The following AXL variants were observed in gnomAD, a reference collection of about 807,000 sequenced individuals.
AXL encodes the protein tyrosine-protein kinase receptor UFO.
In AXL, 52 loss-of-function variants were observed where a neutral mutation model predicts 104.5. That is an observed-to-expected ratio of 0.50 (90% CI 0.40 to 0.63). The LOEUF is 0.63. Among genes scored for constraint, AXL ranks in the 20% least tolerant of loss-of-function variants. The probability of loss-of-function intolerance (pLI) is 0.00; values close to 1 mark genes in which losing one functional copy is unlikely to be tolerated. For missense variants in AXL, 1,024 were observed against 1,188.5 expected (o/e 0.86, Z 2.04); for synonymous variants, 455 against 473.7 (o/e 0.96, Z 0.51).
intron 10 of AXL, among the ~76,000 whole-genome samples, chr19:41,242,358 C>G (rs572642715): frequency 3.4e-5 from 4 of 119,044 alleles, no homozygotes; most frequent in African/African-American, 1.3e-4. Context: ...GAGTCTTGCT[C>G]TGTCACCCAG....
In AXL at chr19:41,239,321, C is replaced by A. The variant is rs1417681925; in HGVS notation, c.1285+7C>A. ...CTGGAGGCCTGGCGCCCAGGTAAGT[C>A]CAAAGCCATGCCCAACCTGCTTCAA... On this transcript the variant is annotated splice_region_variant and intron_variant, in intron 9 of 19. Transcript: ENST00000301178. The A allele has an allele frequency of 3.2e-6, 5 of 1,561,850 alleles. No homozygotes were observed. Among genetic ancestry groups the A allele is most frequent in the Non-Finnish European group, 3.5e-6 (4 of 1,156,696 alleles).
At chr19:41,242,862 G>A (rs779149364) in intron 10 of AXL, 21 bp from the exon 11 acceptor site, 1 of 1,614,016 alleles carries the variant, frequency 6.2e-7, no homozygotes, top group East Asian at 2.2e-5. Flanking sequence ...TCCATGACCT[G>A]TTCCTCATAC....
At chr19:41,231,442 GGTT>G in intron 6 of AXL, 144 bp downstream of exon 6, 31 of 761,210 alleles carry the variant, frequency 4.1e-5, no homozygotes, top group Middle Eastern at 2.4e-4. Context: ...AGATGTCCTG[GGTT>G]CGAATCCTAG....
chr19:41,220,698 C>T lies in AXL; in HGVS notation c.148C>T (p.Leu50Phe), dbSNP rs369684238. 189 of 1,612,798 alleles carry T rather than the reference C, an allele frequency of 1.2e-4. No homozygotes were observed. The highest frequency in any genetic ancestry group is 3.2e-4 in the Admixed American group (19 of 59,860). ...NPGNITGARG[L>F]TGTLRCQLQV... ...AGGGAATATCACAGGTGCCCGGGGA[C>T]TCACGGGCACCCTTCGGTGTCAGCT... Residue 50 changes from leucine to phenylalanine, a missense_variant, in exon 2 of 20, where the codon CTC (leucine) becomes TTC (phenylalanine). This residue lies in a region of AXL where 124 missense variants were observed against 115.5 expected (regional missense o/e 1.07). Transcript: ENST00000301178.
chr19:41,221,563 G>C, intron 3 of AXL: 1 of 490,412 alleles, frequency 2.0e-6, no homozygotes, highest in East Asian at 3.7e-5. Context: ...TCAGAGGCAC[G>C]CAACGTACCC....
At chr19:41,219,539 G>A in intron 1 of AXL, 62 bp downstream of exon 1, 2 of 1,535,780 alleles carry the variant, frequency 1.3e-6, no homozygotes, top group Non-Finnish European at 1.8e-6. Flanking sequence ...AGGGGTAGGA[G>A]GTGGGGGATG....
rs200868176 is a variant in AXL at position 41,220,722 on chromosome 19, C to T, written c.172C>T (p.Leu58Phe). 1.5e-5 allele frequency: 25 copies of T among 1,613,980 alleles called. No individual in the cohort carries two copies. Among genetic ancestry groups the T allele is most frequent in the Non-Finnish European group, 2.0e-5 (24 of 1,179,916 alleles). The stretch of plus-strand genomic sequence containing the variant: ...ACTCACGGGCACCCTTCGGTGTCAG[C>T]TCCAGGTTCAGGGAGAGCCCCCCGA... Reference protein sequence around the residue: ...RGLTGTLRCQLQVQGEPPEVH... With the variant: ...RGLTGTLRCQFQVQGEPPEVH... Residue 58 changes from leucine (L) to phenylalanine (F), a missense_variant, in exon 2 of 20, where the codon CTC (leucine) becomes TTC (phenylalanine). Physicochemically the swap from Leu to Phe is conservative, Grantham distance 22. Transcript: ENST00000301178.
chr19:41,240,827 A>G (rs1212441515), intron 10 of AXL, among the ~76,000 whole-genome samples: 1 of 152,050 alleles, frequency 6.6e-6, no homozygotes, highest in Non-Finnish European at 1.5e-5. Flanking sequence ...AACATTGTCC[A>G]CAACTTTCCC....
chr19:41,243,925 G>T (rs772795251), intron 12 of AXL: 56 of 495,928 alleles, frequency 1.1e-4, no homozygotes, highest in Non-Finnish European at 1.6e-4. Context: ...AAACACCAAG[G>T]CTGGGTGTGG....
At chr19:41,254,267 C>T (rs748446160) in intron 17 of AXL, among the ~76,000 whole-genome samples, 140 of 150,872 alleles carry the variant, frequency 9.3e-4, no homozygotes, top group Non-Finnish European at 1.8e-3. Flanking sequence ...CGGTGGTGTG[C>T]GCCTGTAATC....
At chr19:41,225,342 A>G (rs2033860775) in intron 4 of AXL, among the ~76,000 whole-genome samples, 1 of 152,178 alleles carries the variant, frequency 6.6e-6, no homozygotes, top group African/African-American at 2.4e-5. Flanking sequence ...CTGGGTGAAC[A>G]TGAAACCTGG....
chr19:41,228,585 C>G (rs4802112), intron 4 of AXL, among the ~76,000 whole-genome samples: 46,153 of 151,888 alleles, frequency 0.3, 7,135 homozygotes, highest in East Asian at 0.35. Context: ...AGACACAATA[C>G]GTGAACTCCC....
intron 19 of AXL, 80 bp from the exon 20 acceptor site, chr19:41,259,445 TCTAAAATGCCCCCAGTCCCCTGAGTGTC>T: frequency 1.1e-6 from 1 of 944,174 alleles, no homozygotes; most frequent in Non-Finnish European, 1.6e-6. Context: ...CCTATAACCC[TCTAAAATGCCCCCAGTCCCCTGAGTGTC>T]CTAAAATGTC....
At chr19:41,244,186 C>T (rs867651297) in intron 12 of AXL, among the ~76,000 whole-genome samples, 1 of 151,436 alleles carries the variant, frequency 6.6e-6, no homozygotes, top group South Asian at 2.1e-4. Context: ...GCCTGGGTGA[C>T]AGAGCAAGAC....
rs561842633 is a variant in AXL at position 41,224,538 on chromosome 19, A to G, written c.586+2482A>G. Reference sequence around the variant, plus strand: ...GCTGGGACTATAGGCATGTGCCACCATACCCAGATAGTTTTTGAATTTTTT... The same window carrying G: ...GCTGGGACTATAGGCATGTGCCACCGTACCCAGATAGTTTTTGAATTTTTT... On this transcript the variant is annotated intron_variant, in intron 4 of 19. Transcript: ENST00000301178. Among the ~76,000 whole-genome samples, 42 of 152,154 alleles carry G rather than the reference A, an allele frequency of 2.8e-4. No homozygotes were observed. The Middle Eastern group carries it at 0.01, about 37-fold the overall frequency.
intron 13 of AXL, 34 bp downstream of exon 13, chr19:41,248,643 G>T: frequency 6.2e-7 from 1 of 1,612,704 alleles, no homozygotes; most frequent in South Asian, 1.1e-5. Context: ...ACATCCTTCT[G>T]AACTTCTGAG....
At chr19:41,242,771 A>C in intron 10 of AXL, 112 bp from the exon 11 acceptor site, 28 of 1,324,858 alleles carry the variant, frequency 2.1e-5, no homozygotes, top group Middle Eastern at 1.9e-4. Flanking sequence ...CTCATCAAGT[A>C]TGTGCACATC....
rs748402529 is a variant in AXL at position 41,221,201 on chromosome 19, G to A, written c.364G>A (p.Gly122Arg). ...TGQYQCLVFL[G>R]HQTFVSQPGY... Reference sequence around the variant, plus strand: ...ACAGTACCAGTGTTTGGTGTTTCTGGGACATCAGACCTTCGTGTCCCAGCC... The same window carrying A: ...ACAGTACCAGTGTTTGGTGTTTCTGAGACATCAGACCTTCGTGTCCCAGCC... Residue 122 changes from glycine (G) to arginine (R), a missense_variant, in exon 3 of 20, where the codon GGA becomes AGA. Transcript: ENST00000301178. 2 of 1,614,042 alleles carry A rather than the reference G, an allele frequency of 1.2e-6. No homozygotes were observed. The highest frequency in any genetic ancestry group is 1.7e-6 in the Non-Finnish European group (2 of 1,180,010).
In AXL at chr19:41,221,914, G is replaced by A. The variant is rs61737384; in HGVS notation, c.444G>A (p.Arg148=). ...ACTTCCTGGAGGAGCCCGAAGACAG[G>A]ACTGTGGCCGCCAACACCCCCTTCA... is the stretch of plus-strand genomic sequence containing the variant. The part of the protein sequence containing the change: ...LPYFLEEPED[R]TVAANTPFNL... The change falls in exon 4 of 20, where the codon AGG becomes AGA. Residue 148 remains arginine (R), a synonymous_variant. Transcript: ENST00000301178. 5 of 1,613,674 alleles carry A rather than the reference G, an allele frequency of 3.1e-6. No homozygotes were observed. The highest frequency in any genetic ancestry group is 3.4e-6 in the Non-Finnish European group (4 of 1,179,914).
Sources: allele counts gnomAD v4.1 joint callset (sites outside exome capture counted in the v4.1 genomes callset), GRCh38; gene constraint gnomAD v4.1.1; regional missense constraint gnomAD v4.1.1; transcripts MANE v1.5; gene names NCBI Gene and HGNC (gene_info 2026-07-23, HGNC 2026-07-21).